Variants in THAP5 observed in about 807,000 individuals in gnomAD.
THAP5 encodes the protein THAP domain-containing protein 5.
In THAP5, 26 loss-of-function variants were observed where a neutral mutation model predicts 34.0. The ratio of observed to expected loss-of-function variants is 0.77; its 90% CI spans 0.56 to 1.06. THAP5 has a LOEUF of 1.06. Among genes scored for constraint, THAP5 ranks in the 50% least tolerant of loss-of-function variants. The pLI is 0.00. For missense variants in THAP5, 394 were observed against 452.8 expected, an observed-to-expected ratio of 0.87 and a Z score of 1.18; for synonymous variants, 125 against 153.0, an observed-to-expected ratio of 0.82 and a Z score of 1.35.
Position 108,564,372 on chromosome 7 carries a change from T to G in THAP5, c.1007A>C (p.Gln336Pro), listed in dbSNP as rs753743223. ...RQDINKEHLW[Q>P]KVSKLHSKIT... ...CTTTGAATGTAGCTTAGAGACTTTC[T>G]GCCAAAGATGTTCCTTATTTATATC... is the stretch of plus-strand genomic sequence containing the variant. The change falls in exon 3 of 3, where the codon CAG (glutamine) becomes CCG (proline). Residue 336 changes from glutamine (Q) to proline (P), a missense_variant. Gln to Pro is a moderately conservative substitution (Grantham distance 76). Transcript: ENST00000415914. 102 of 1,613,676 alleles carry G rather than the reference T, an allele frequency of 6.3e-5. No homozygotes were observed. Among genetic ancestry groups the G allele is most frequent in the Non-Finnish European group, 8.1e-5 (96 of 1,179,884 alleles).
At chr7:108,551,436 A>G (rs1278568815), downstream of THAP5, among the ~76,000 whole-genome samples, 2 of 152,220 alleles carry the variant, frequency 1.3e-5, no homozygotes, top group African/African-American at 2.4e-5. Flanking sequence ...CTCTTCTTCC[A>G]TATAAGGATG....
At position 108,562,220 on chromosome 7, in the gene THAP5, T is replaced by C. The variant is rs1438085305; in HGVS notation, c.*1971A>G. 6.6e-6 allele frequency: 1 copy of C among 152,252 alleles called. No individual in the cohort carries two copies. Among genetic ancestry groups the C allele is most frequent in the Non-Finnish European group, 1.5e-5 (1 of 68,042 alleles). 9.4% of individuals were successfully genotyped at this position (152,252 alleles called of 1,614,324 possible). On this transcript the variant is annotated 3_prime_UTR_variant, in exon 3 of 3. Transcript: ENST00000415914. The stretch of plus-strand genomic sequence containing the variant: ...TAACTTTCAGAAAATTACTACAATG[T>C]ACACTGTTGAAACTTAACATATCAT...
chr7:108,564,725 A>T lies in THAP5; in HGVS notation c.654T>A (p.Ser218=). ...CTTCAAGAACTTCTTGAGTTTCCAA[A>T]GATTGATGAATACTTTCTGAATTTG... The part of the protein sequence containing the change: ...TTSNSESIHQ[S]LETQEVLEVT... The change falls in exon 3 of 3, where the codon TCT becomes TCA. Residue 218 remains serine, a synonymous_variant. Transcript: ENST00000415914. 1 of 1,613,764 alleles carries T rather than the reference A, an allele frequency of 6.2e-7. No homozygotes were observed. Among genetic ancestry groups the T allele is most frequent in the Non-Finnish European group, 8.5e-7 (1 of 1,179,850 alleles).
At chr7:108,569,411 C>G (rs1790561438) in intron 1 of THAP5, 79 bp downstream of exon 1, 9 of 1,546,864 alleles carry the variant, frequency 5.8e-6, no homozygotes, top group Non-Finnish European at 7.0e-6. Context: ...GCAGAGCGGA[C>G]AGGAGACACC....
At chr7:108,559,506 T>C (rs528788869), downstream of THAP5, among the ~76,000 whole-genome samples, 43 of 152,206 alleles carry the variant, frequency 2.8e-4, 1 homozygote, top group Non-Finnish European at 4.6e-4. Flanking sequence ...ACCAAACAAC[T>C]GATGTGCTAA....
the THAP5 span, among the ~76,000 whole-genome samples, chr7:108,546,961 TTG>T: frequency 6.6e-6 from 1 of 152,198 alleles, no homozygotes; most frequent in Non-Finnish European, 1.5e-5. Context: ...TGTTTTCCCT[TTG>T]TGTTTTATCA....
chr7:108,549,089 TACACACACACACACACACACAC>T, the THAP5 span, among the ~76,000 whole-genome samples: 5 of 136,542 alleles, frequency 3.7e-5, no homozygotes, highest in Non-Finnish European at 6.2e-5. Context: ...ACATGCTTAA[TACACACACACACACACACACAC>T]ACACACACAC....
intron 2 of THAP5, 35 bp from the exon 3 acceptor site, chr7:108,565,140 G>A: frequency 1.4e-6 from 2 of 1,435,346 alleles, no homozygotes; most frequent in Non-Finnish European, 1.8e-6. Context: ...TGAAAAAGAT[G>A]ACTTTTATTG....
downstream of THAP5, among the ~76,000 whole-genome samples, chr7:108,558,363 G>A (rs13235001): frequency 1.6e-4 from 17 of 104,528 alleles, 1 homozygote; most frequent in African/African-American, 4.9e-4. Context: ...GTGTATATAT[G>A]TATATGTGTG....
In THAP5 at chr7:108,564,211, A is replaced by C; in HGVS notation, c.1168T>G (p.Tyr390Asp). ...VKIIENHFTT[Y>D]EVTMI The stretch of plus-strand genomic sequence containing the variant: ...TTATTCTATATCATAGTGACTTCAT[A>C]TGTTGTAAAATGGTTTTCTATAATC... Residue 390 changes from tyrosine (Y) to aspartate (D), a missense_variant, in exon 3 of 3, where the codon TAT becomes GAT. Transcript: ENST00000415914. 1 of 1,595,476 alleles carries C rather than the reference A, an allele frequency of 6.3e-7. No individual in the cohort carries two copies. Among genetic ancestry groups the C allele is most frequent in the Non-Finnish European group, 8.5e-7 (1 of 1,173,136 alleles).
At chr7:108,541,958 T>G in the THAP5 span, among the ~76,000 whole-genome samples, 1 of 152,364 alleles carries the variant, frequency 6.6e-6, no homozygotes, top group Admixed American at 6.5e-5. Flanking sequence ...AAGATGTTTT[T>G]CTTTTCTCTT....
chr7:108,568,744 G>A (rs2154518182), intron 1 of THAP5, among the ~76,000 whole-genome samples: 1 of 152,318 alleles, frequency 6.6e-6, no homozygotes, highest in South Asian at 2.1e-4. Context: ...TGTTACAGAT[G>A]AGATATGTGA....
downstream of THAP5, among the ~76,000 whole-genome samples, chr7:108,562,061 G>A (rs777037702): frequency 2.0e-5 from 3 of 152,150 alleles, no homozygotes; most frequent in Non-Finnish European, 2.9e-5. Flanking sequence ...GCCCTAGTGA[G>A]CATTTCCTTT....
chr7:108,560,746 CT>C (rs554273532), downstream of THAP5, among the ~76,000 whole-genome samples: 1 of 152,242 alleles, frequency 6.6e-6, no homozygotes, highest in African/African-American at 2.4e-5. Context: ...TGTACTGCAA[CT>C]TTTTTTCTTT....
At chr7:108,559,892 C>T (rs1864414396), downstream of THAP5, among the ~76,000 whole-genome samples, 1 of 152,160 alleles carries the variant, frequency 6.6e-6, no homozygotes, top group Non-Finnish European at 1.5e-5. Flanking sequence ...GTCCCTCCCT[C>T]AACACCTGGG....
At chr7:108,560,371 G>C (rs979692638), downstream of THAP5, among the ~76,000 whole-genome samples, 3 of 152,162 alleles carry the variant, frequency 2.0e-5, no homozygotes, top group Non-Finnish European at 4.4e-5. Flanking sequence ...TGAGGTAGAT[G>C]AGTCTGTTCT....
At chr7:108,542,076 A>G in the THAP5 span, among the ~76,000 whole-genome samples, 1 of 152,230 alleles carries the variant, frequency 6.6e-6, no homozygotes, top group Admixed American at 6.5e-5. Flanking sequence ...AAATTCAAAC[A>G]AATGTTTTGG....
rs891974856 is a variant in THAP5, at chr7:108,565,704, G to C, written c.273+126C>G. 5.9e-6 allele frequency: 4 copies of C among 673,938 alleles called. No individual in the cohort carries two copies. In the African/African-American group the frequency reaches 7.4e-5, roughly 12 times the overall value. 41.7% of individuals were successfully genotyped at this position (673,938 alleles called of 1,614,324 possible). The stretch of plus-strand genomic sequence containing the variant: ...TCACTTTTAGTAAAAGCACAAATTA[G>C]TGCTCCCTTTTTTCCAAGTATCTGT... On this transcript the variant is annotated intron_variant, in intron 2 of 2. Coordinates refer to ENST00000415914, the MANE Select transcript of THAP5 (RefSeq NM_001130475.3).
intron 1 of THAP5, among the ~76,000 whole-genome samples, chr7:108,566,716 A>G (rs1790495173): frequency 6.6e-6 from 1 of 152,190 alleles, no homozygotes; most frequent in Non-Finnish European, 1.5e-5. Flanking sequence ...ACAGTCTCAG[A>G]TATTTTATAT....
Sources: gnomAD v4.1 joint callset for allele counts (sites outside exome capture counted in the v4.1 genomes callset) on GRCh38, gnomAD v4.1.1 for gene constraint, MANE v1.5 for transcripts, NCBI Gene and HGNC (gene_info 2026-07-23, HGNC 2026-07-21) for gene names.